The following DAB1 variants were observed in gnomAD, a reference collection of about 807,000 sequenced individuals.
DAB1 encodes the protein DAB adaptor protein 1, also known as disabled homolog 1.
In DAB1, 15 loss-of-function variants were observed where a neutral mutation model predicts 64.6. That is an observed-to-expected ratio of 0.23 (90% CI 0.16 to 0.36). The LOEUF is 0.36. DAB1 is among the 10% of genes least tolerant of loss of function. The pLI, the probability that DAB1 is intolerant of heterozygous loss-of-function variation, is 1.00. For missense variants in DAB1, 596 were observed against 706.7 expected, an observed-to-expected ratio of 0.84 and a Z score of 1.78; for synonymous variants, 235 against 251.9, an observed-to-expected ratio of 0.93 and a Z score of 0.64.
intron 4 of DAB1, among the ~76,000 whole-genome samples, chr1:58,284,711 A>G (rs1229850750): frequency 6.6e-6 from 1 of 152,198 alleles, no homozygotes; most frequent in Non-Finnish European, 1.5e-5. Context: ...CCTCTTTATT[A>G]TCTCTAATTT....
intron 1 of DAB1, among the ~76,000 whole-genome samples, chr1:58,541,237 TGAGCCGAG>T (rs1250000361): frequency 1.7e-5 from 2 of 115,406 alleles, no homozygotes; most frequent in Non-Finnish European, 3.3e-5. Flanking sequence ...GAGGTTGCAG[TGAGCCGAG>T]ATGACGCCAC....
chr1:57,541,965 T>C, intron 7 of DAB1, among the ~76,000 whole-genome samples: 1 of 151,516 alleles, frequency 6.6e-6, no homozygotes, highest in East Asian at 1.9e-4. Flanking sequence ...TGGAGATGGA[T>C]CAGAGGACAT....
Position 58,154,784 on chromosome 1 carries a change from A to C in DAB1, n.310-4196T>G, listed in dbSNP as rs184862632. Among the ~76,000 whole-genome samples, 325 of 152,312 alleles carry C rather than the reference A, an allele frequency of 2.1e-3. 4 individuals carry two copies. Among genetic ancestry groups the C allele is most frequent in the African/African-American group, 7.4e-3 (308 of 41,586 alleles). On this transcript the variant is annotated intron_variant and non_coding_transcript_variant, in intron 4 of 20. Coordinates refer to the DAB1 transcript ENST00000485760. ...AGAAGGAAAGCGTTGGTGGGGAAAA[A>C]GAACACTGTATCAGTCAGATGCCAG...
intron 4 of DAB1, among the ~76,000 whole-genome samples, chr1:58,232,029 T>C: frequency 6.6e-6 from 1 of 152,194 alleles, no homozygotes; most frequent in East Asian, 1.9e-4. Context: ...CCATAAACTA[T>C]TTTGTGCTAT....
chr1:58,094,806 A>G (rs1216671947), intron 5 of DAB1, among the ~76,000 whole-genome samples: 1 of 152,222 alleles, frequency 6.6e-6, no homozygotes, highest in East Asian at 1.9e-4. Context: ...AAAGAACCCT[A>G]TGGTGGCATT....
chr1:58,033,457 C>A (rs1222876489), intron 5 of DAB1, among the ~76,000 whole-genome samples: 1 of 152,192 alleles, frequency 6.6e-6, no homozygotes, highest in African/African-American at 2.4e-5. Flanking sequence ...ATCACTTACC[C>A]TGTTTTGAAT....
At chr1:58,300,646 G>GAA (rs1553173953) in intron 4 of DAB1, among the ~76,000 whole-genome samples, 39 of 57,296 alleles carry the variant, frequency 6.8e-4, no homozygotes, top group East Asian at 1.3e-3. Flanking sequence ...GAGAGAGAGA[G>GAA]AGGAAGGAAG....
chr1:57,898,175 C>T (rs1167809384), intron 5 of DAB1, among the ~76,000 whole-genome samples: 1 of 152,256 alleles, frequency 6.6e-6, no homozygotes, highest in South Asian at 2.1e-4. Flanking sequence ...CTTTTCCTAA[C>T]AATGCAATGA....
chr1:57,091,158 G>A (rs1653638184), intron 4 of DAB1, among the ~76,000 whole-genome samples: 1 of 152,082 alleles, frequency 6.6e-6, no homozygotes, highest in Non-Finnish European at 1.5e-5. Context: ...GTGTCACAAG[G>A]ACTCACTCAG....
chr1:58,159,296 G>A (rs1215140063), intron 4 of DAB1, among the ~76,000 whole-genome samples: 1 of 152,110 alleles, frequency 6.6e-6, no homozygotes, highest in Admixed American at 6.5e-5. Flanking sequence ...CAGATAAGAA[G>A]GAACTGCAAT....
intron 4 of DAB1, among the ~76,000 whole-genome samples, chr1:58,224,961 C>G (rs535250887): frequency 2.1e-3 from 318 of 151,254 alleles, no homozygotes; most frequent in African/African-American, 7.1e-3. Context: ...ATTGACAAAT[C>G]GGATCTAATT....
chr1:57,119,914 G>C, intron 4 of DAB1, among the ~76,000 whole-genome samples: 1 of 152,060 alleles, frequency 6.6e-6, no homozygotes, highest in East Asian at 1.9e-4. Flanking sequence ...AAAACAAACA[G>C]CAAATGAAAA....
chr1:57,142,464 C>G (rs1437925636), intron 3 of DAB1, among the ~76,000 whole-genome samples: 3 of 152,008 alleles, frequency 2.0e-5, no homozygotes, highest in Non-Finnish European at 4.4e-5. Flanking sequence ...TAATGAAACA[C>G]AATTGTCTGG....
chr1:57,257,163 T>G (rs910094470), intron 2 of DAB1, among the ~76,000 whole-genome samples: 2 of 152,080 alleles, frequency 1.3e-5, no homozygotes, highest in African/African-American at 4.8e-5. Flanking sequence ...ACTCTTGGGG[T>G]TTGCTGAATT....
chr1:57,884,297 T>C (rs1644190722), upstream of DAB1: 1 of 152,152 alleles, frequency 6.6e-6, no homozygotes, highest in Non-Finnish European at 1.5e-5. Flanking sequence ...GCATGGTACA[T>C]GTAGGGTAGG....
chr1:57,758,833 A>G (rs1212792002), intron 6 of DAB1, among the ~76,000 whole-genome samples: 1 of 152,168 alleles, frequency 6.6e-6, no homozygotes, highest in Non-Finnish European at 1.5e-5. Context: ...TGCAATGAGT[A>G]ATTGAACCTA....
chr1:57,735,854 T>C (rs1352535971), intron 6 of DAB1, among the ~76,000 whole-genome samples: 1 of 152,072 alleles, frequency 6.6e-6, no homozygotes, highest in Non-Finnish European at 1.5e-5. Context: ...GTAAATCCAG[T>C]CTACTTTAAA....
chr1:58,488,535 T>C (rs1645616246), intron 3 of DAB1, among the ~76,000 whole-genome samples: 1 of 152,150 alleles, frequency 6.6e-6, no homozygotes, highest in African/African-American at 2.4e-5. Flanking sequence ...CACTGCAACC[T>C]CTGCCTCCCA....
chr1:58,209,582 T>C (rs1410773775), intron 4 of DAB1, among the ~76,000 whole-genome samples: 1 of 152,154 alleles, frequency 6.6e-6, no homozygotes, highest in African/African-American at 2.4e-5. Context: ...AGACCAGGAA[T>C]GTCAGCACTG....
Sources: gnomAD v4.1 joint callset for allele counts (sites outside exome capture counted in the v4.1 genomes callset) on GRCh38, gnomAD v4.1.1 for gene constraint, MANE v1.5 for transcripts, NCBI Gene and HGNC (gene_info 2026-07-23, HGNC 2026-07-21) for gene names.